The following PDGFD variants were observed in gnomAD, a reference collection of about 807,000 sequenced individuals.
PDGFD encodes platelet derived growth factor D.
Under a neutral mutation model 44.7 loss-of-function variants are expected in PDGFD, and 30 were observed. The ratio of observed to expected loss-of-function variants is 0.67; its 90% CI spans 0.50 to 0.91. PDGFD has a LOEUF of 0.91. PDGFD is among the 40% of genes least tolerant of loss of function. The pLI is 0.00. For synonymous variants in PDGFD, 173 were observed against 168.4 expected (o/e 1.03, Z -0.21); for missense variants, 445 against 457.8 (o/e 0.97, Z 0.25).
At chr11:104,068,999 C>G (rs1388139035) in intron 1 of PDGFD, among the ~76,000 whole-genome samples, 1 of 152,122 alleles carries the variant, frequency 6.6e-6, no homozygotes, top group Non-Finnish European at 1.5e-5. Context: ...TGATAAAATA[C>G]TGTTACCTAA....
At chr11:104,142,445 GTATA>G (rs1203087587) in intron 1 of PDGFD, among the ~76,000 whole-genome samples, 3 of 151,940 alleles carry the variant, frequency 2.0e-5, no homozygotes, top group Non-Finnish European at 4.4e-5. Context: ...ATGTGTGTGT[GTATA>G]TATATAGTAT....
At chr11:103,939,705 G>A (rs955823715) in intron 5 of PDGFD, among the ~76,000 whole-genome samples, 11 of 151,932 alleles carry the variant, frequency 7.2e-5, no homozygotes, top group South Asian at 2.1e-4. Context: ...GCACACTTCC[G>A]ATACTCATTA....
intron 1 of PDGFD, among the ~76,000 whole-genome samples, chr11:104,025,002 C>A (rs534691127): frequency 1.2e-4 from 19 of 152,304 alleles, no homozygotes; most frequent in African/African-American, 4.6e-4. Flanking sequence ...CAGGAGTCAA[C>A]AGGATACCAA....
chr11:104,093,114 T>G (rs1861233646), intron 1 of PDGFD, among the ~76,000 whole-genome samples: 1 of 152,210 alleles, frequency 6.6e-6, no homozygotes. Flanking sequence ...TTCAACTAGC[T>G]GAAACCTAAA....
intron 1 of PDGFD, among the ~76,000 whole-genome samples, chr11:104,071,635 T>C (rs1012083990): frequency 6.6e-6 from 1 of 151,918 alleles, no homozygotes; most frequent in Non-Finnish European, 1.5e-5. Flanking sequence ...AAATTGCTTT[T>C]TCACATGCAG....
intron 1 of PDGFD, among the ~76,000 whole-genome samples, chr11:104,007,447 T>C (rs1179899090): frequency 1.3e-5 from 2 of 152,230 alleles, no homozygotes; most frequent in Non-Finnish European, 2.9e-5. Context: ...TCTCATATCA[T>C]AATATTATAC....
intron 1 of PDGFD, among the ~76,000 whole-genome samples, chr11:104,142,787 T>C (rs1016201477): frequency 1.3e-5 from 2 of 152,216 alleles, no homozygotes; most frequent in African/African-American, 2.4e-5. Flanking sequence ...TTCATTCTGA[T>C]ATGGCCAAAG....
chr11:104,143,157 G>C (rs1251409545), intron 1 of PDGFD, among the ~76,000 whole-genome samples: 1 of 152,166 alleles, frequency 6.6e-6, no homozygotes, highest in East Asian at 1.9e-4. Context: ...ATCTTAAAAG[G>C]TCTGCTGTGT....
intron 1 of PDGFD, among the ~76,000 whole-genome samples, chr11:104,016,497 G>C (rs1255469681): frequency 6.6e-6 from 1 of 152,222 alleles, no homozygotes; most frequent in East Asian, 1.9e-4. Context: ...AAGGGGAACA[G>C]ACTTACCAAG....
At chr11:103,974,531 T>C (rs146080731) in intron 3 of PDGFD, among the ~76,000 whole-genome samples, 73 of 152,308 alleles carry the variant, frequency 4.8e-4, no homozygotes, top group Non-Finnish European at 7.8e-4. Context: ...TTCATAGGTA[T>C]ACACGTGCCA....
At chr11:103,920,032 A>C (rs1858189036) in intron 6 of PDGFD, among the ~76,000 whole-genome samples, 1 of 152,220 alleles carries the variant, frequency 6.6e-6, no homozygotes, top group Non-Finnish European at 1.5e-5. Flanking sequence ...GTAATTACTC[A>C]ACCTGCAGGC....
chr11:104,108,186 C>T (rs1184332691), intron 1 of PDGFD, among the ~76,000 whole-genome samples: 1 of 151,996 alleles, frequency 6.6e-6, no homozygotes, highest in African/African-American at 2.4e-5. Context: ...GCAATGGCAA[C>T]AAAAGCCAAA....
chr11:104,056,316 G>A (rs1860615792), intron 1 of PDGFD, among the ~76,000 whole-genome samples: 1 of 152,106 alleles, frequency 6.6e-6, no homozygotes, highest in South Asian at 2.1e-4. Flanking sequence ...ATTGAATAGT[G>A]TCCCTTCCAA....
intron 5 of PDGFD, among the ~76,000 whole-genome samples, chr11:103,930,146 C>T (rs1447170694): frequency 6.6e-6 from 1 of 152,022 alleles, no homozygotes; most frequent in African/African-American, 2.4e-5. Flanking sequence ...TTTTTTGGGC[C>T]TCATACAGGC....
chr11:104,051,433 T>C (rs555896865), intron 1 of PDGFD, among the ~76,000 whole-genome samples: 1 of 152,254 alleles, frequency 6.6e-6, no homozygotes, highest in East Asian at 1.9e-4. Flanking sequence ...TCATTAATGA[T>C]GTGTAAGATG....
At chr11:104,108,818 T>C (rs1379832494) in intron 1 of PDGFD, among the ~76,000 whole-genome samples, 1 of 152,118 alleles carries the variant, frequency 6.6e-6, no homozygotes, top group Non-Finnish European at 1.5e-5. Flanking sequence ...CCATCGACGA[T>C]AGACTGGATT....
intron 1 of PDGFD, among the ~76,000 whole-genome samples, chr11:104,104,501 T>C (rs946945337): frequency 6.6e-6 from 1 of 152,140 alleles, no homozygotes; most frequent in African/African-American, 2.4e-5. Flanking sequence ...TATATTTTTA[T>C]TATACCTCTC....
intron 1 of PDGFD, among the ~76,000 whole-genome samples, chr11:104,033,084 T>A (rs866202744): frequency 4.7e-5 from 7 of 149,648 alleles, no homozygotes; most frequent in African/African-American, 1.2e-4. Flanking sequence ...GTAATATATT[T>A]TATATATATA....
At chr11:103,990,188 T>C (rs1859428538) in intron 3 of PDGFD, among the ~76,000 whole-genome samples, 1 of 152,204 alleles carries the variant, frequency 6.6e-6, no homozygotes. Context: ...TCTCTTGTCT[T>C]TGCTTCCTTT....
Sources: gnomAD v4.1 joint callset for allele counts (sites outside exome capture counted in the v4.1 genomes callset) on GRCh38, gnomAD v4.1.1 for gene constraint, MANE v1.5 for transcripts, NCBI Gene and HGNC (gene_info 2026-07-23, HGNC 2026-07-21) for gene names.